WDR75: variants seen among roughly 807,000 people sequenced by gnomAD.
WDR75 encodes WD repeat-containing protein 75.
A neutral mutation model predicts 106.1 loss-of-function variants in WDR75; 52 were observed. The observed-to-expected ratio is 0.49, with a 90% CI of 0.39 to 0.62. The LOEUF (loss-of-function observed/expected upper bound fraction) is 0.62. WDR75 is among the 20% of genes least tolerant of loss of function. WDR75 has a pLI of 0.00. For synonymous variants in WDR75, 333 were observed against 335.5 expected, an observed-to-expected ratio of 0.99 and a Z score of 0.08; for missense variants, 905 against 970.3, an observed-to-expected ratio of 0.93 and a Z score of 0.89.
intron 2 of WDR75, chr2:189,449,747 CAT>C (rs1686576875): frequency 3.0e-6 from 3 of 985,854 alleles, no homozygotes; most frequent in East Asian, 1.1e-4. Context: ...TTATGATTCT[CAT>C]ATGCAGTAAT....
intron 2 of WDR75, chr2:189,450,640 C>T: frequency 1.6e-6 from 2 of 1,266,122 alleles, no homozygotes; most frequent in South Asian, 1.9e-5. Flanking sequence ...CATTCAAAAC[C>T]TTACCATCTC....
At chr2:189,467,906 G>A (rs546420059) in intron 14 of WDR75, among the ~76,000 whole-genome samples, 16 of 152,246 alleles carry the variant, frequency 1.1e-4, no homozygotes, top group Admixed American at 6.5e-4. Context: ...AATGGTAACA[G>A]AAGCTATACA....
intron 6 of WDR75, 96 bp downstream of exon 6, chr2:189,457,477 T>G: frequency 1.4e-6 from 1 of 734,126 alleles, no homozygotes; most frequent in South Asian, 1.7e-5. Flanking sequence ...CTATTCCTAG[T>G]TTTATGTTGC....
chr2:189,470,089 A>G lies in WDR75; in HGVS notation c.1833A>G (p.Lys611=). The G allele has an allele frequency of 6.2e-7, 1 of 1,611,514 alleles. No homozygotes were observed. Among genetic ancestry groups the G allele is most frequent in the African/African-American group, 1.3e-5 (1 of 74,840 alleles). The change falls in exon 17 of 21, where the codon AAA becomes AAG. Residue 611 remains lysine (K), a synonymous_variant. Transcript: ENST00000314761. The part of the protein sequence containing the change: ...SSVGSDLFVF[K]PSEPRPLYIQ... ...TTTTCCCTCTAGTGTTTGTATTTAA[A>G]CCTAGTGAGCCAAGGCCATTGTATA...
At position 189,467,637 on chromosome 2, in the gene WDR75, T is replaced by G. The variant is rs1438764596; in HGVS notation, c.1617T>G (p.Ala539=). The G allele has an allele frequency of 6.3e-7, 1 of 1,596,836 alleles. No homozygotes were observed. Among genetic ancestry groups the G allele is most frequent in the South Asian group, 1.1e-5 (1 of 87,254 alleles). The change falls in exon 14 of 21, where the codon GCT becomes GCG. Residue 539 remains alanine, a synonymous_variant. Coordinates refer to ENST00000314761, the MANE Select transcript of WDR75 (RefSeq NM_032168.3). The stretch of plus-strand genomic sequence containing the variant: ...TTAAATGTACATTTTGCCAACGAGC[T>G]GGGAAAATAAGGTAGGTAAATCTTC... The part of the protein sequence containing the change: ...WELKCTFCQR[A]GKIRHLCFGR...
chr2:189,450,343 T>A, intron 2 of WDR75: 1 of 942,624 alleles, frequency 1.1e-6, no homozygotes, highest in Non-Finnish European at 1.2e-6. Context: ...GTGTGGGTGT[T>A]TTTGTTTTGT....
chr2:189,471,440 A>G (rs1036411405), intron 18 of WDR75, among the ~76,000 whole-genome samples: 2 of 152,224 alleles, frequency 1.3e-5, no homozygotes, highest in Non-Finnish European at 2.9e-5. Context: ...AACACAATTC[A>G]TAGCCAAGCC....
intron 6 of WDR75, among the ~76,000 whole-genome samples, chr2:189,458,223 A>G (rs913519401): frequency 6.6e-6 from 1 of 151,914 alleles, no homozygotes; most frequent in African/African-American, 2.4e-5. Flanking sequence ...GTGCCCGGCC[A>G]ATTGCTTTCT....
At position 189,448,513 on chromosome 2, in the gene WDR75, C is replaced by CA. The variant is rs771182064; in HGVS notation, c.216+8dup. 1.2e-6 allele frequency: 2 copies of CA among 1,613,352 alleles called. No homozygotes were observed. The highest frequency in any genetic ancestry group is 1.1e-5 in the South Asian group (1 of 90,950). ...AACCCCAACAACCATCTACAGGTGT[C>CA]AAACAGTTTATAGCTGAATACTTTA... On this transcript the variant is annotated splice_donor_region_variant and intron_variant, in intron 2 of 20. Transcript: ENST00000314761.
At chr2:189,458,905 T>C (rs1411696422) in intron 7 of WDR75, 33 bp downstream of exon 7, 1 of 1,579,964 alleles carries the variant, frequency 6.3e-7, no homozygotes, top group South Asian at 1.2e-5. Context: ...TGGCGATCAT[T>C]TATGTACTAT....
At chr2:189,444,471 A>G (rs1476029899) in intron 1 of WDR75, among the ~76,000 whole-genome samples, 2 of 152,144 alleles carry the variant, frequency 1.3e-5, no homozygotes, top group Non-Finnish European at 2.9e-5. Flanking sequence ...GGCATCCCAC[A>G]GTTATATGGT....
intron 6 of WDR75, among the ~76,000 whole-genome samples, chr2:189,457,831 A>G (rs1246845441): frequency 6.6e-6 from 1 of 151,684 alleles, no homozygotes; most frequent in Non-Finnish European, 1.5e-5. Context: ...CTGATGAATG[A>G]GGTGACGTAT....
intron 11 of WDR75, among the ~76,000 whole-genome samples, chr2:189,464,460 T>C (rs185621833): frequency 2.6e-5 from 4 of 152,188 alleles, no homozygotes; most frequent in African/African-American, 9.6e-5. Flanking sequence ...ACTGTGACAC[T>C]AGCTCTTTCT....
chr2:189,444,311 C>T (rs888277282), intron 1 of WDR75, among the ~76,000 whole-genome samples: 4 of 152,120 alleles, frequency 2.6e-5, no homozygotes, highest in South Asian at 2.1e-4. Context: ...GGAATTTTGG[C>T]GGCTTCCTCT....
rs1365477140 is a variant in WDR75 at position 189,470,846 on chromosome 2, C to G, written c.2017C>G (p.Pro673Ala). The G allele has an allele frequency of 6.3e-7, 1 of 1,594,892 alleles. No homozygotes were observed. The highest frequency in any genetic ancestry group is 8.5e-7 in the Non-Finnish European group (1 of 1,172,184). Residue 673 changes from proline (P) to alanine (A), a missense_variant, in exon 18 of 21, where the codon CCA (proline) becomes GCA (alanine). Physicochemically the swap from Pro to Ala is conservative, Grantham distance 27 (BLOSUM62 -1). Coordinates refer to ENST00000314761, the MANE Select transcript of WDR75 (RefSeq NM_032168.3). ...QSLLTFSTKS[P>A]EEKLTPTSKQ... ...TTTATTGACATTCAGTACAAAGTCT[C>G]CAGAAGAAAAACTCACACCAACAAG...
At chr2:189,459,920 T>A (rs1284272821) in intron 8 of WDR75, among the ~76,000 whole-genome samples, 1 of 152,238 alleles carries the variant, frequency 6.6e-6, no homozygotes, top group Non-Finnish European at 1.5e-5. Flanking sequence ...TTTAGAGCTC[T>A]TGTTTTTAAC....
intron 2 of WDR75, chr2:189,449,774 C>T (rs1686577395): frequency 2.1e-5 from 21 of 984,310 alleles, no homozygotes; most frequent in Non-Finnish European, 2.4e-5. Context: ...ATATAAATTT[C>T]CTAGTTTGTA....
chr2:189,448,838 T>C lies in WDR75; in HGVS notation c.216+330T>C, dbSNP rs551878161. On this transcript the variant is annotated intron_variant, in intron 2 of 20. Transcript: ENST00000314761. Reference sequence around the variant, plus strand: ...GCATTGCGAATATCCAAAAGAGGTATGTAGTTTTTGGTGTTTCTCAAACTT... The same window carrying C: ...GCATTGCGAATATCCAAAAGAGGTACGTAGTTTTTGGTGTTTCTCAAACTT... 711 of 481,422 alleles carry C rather than the reference T, an allele frequency of 1.5e-3. 3 individuals are homozygous for C. Among genetic ancestry groups the C allele is most frequent in the South Asian group, 7.0e-3 (450 of 64,654 alleles). 29.8% of individuals were successfully genotyped at this position (481,422 alleles called of 1,614,324 possible). A position where few individuals can be genotyped will look rare whatever the true frequency, so the allele number is the denominator to read the frequency against.
chr2:189,465,727 A>G (rs1454547268), intron 12 of WDR75, among the ~76,000 whole-genome samples: 1 of 152,118 alleles, frequency 6.6e-6, no homozygotes, highest in African/African-American at 2.4e-5. Flanking sequence ...CTTTGTACCC[A>G]TTATCTTACT....
Sources: allele counts gnomAD v4.1 joint callset (sites outside exome capture counted in the v4.1 genomes callset), GRCh38; gene constraint gnomAD v4.1.1; transcripts MANE v1.5; gene names NCBI Gene and HGNC (gene_info 2026-07-23, HGNC 2026-07-21).